Variants in GNB1 observed in about 807,000 individuals in gnomAD.
The protein encoded by GNB1 is guanine nucleotide-binding protein G(I)/G(S)/G(T) subunit beta-1.
In GNB1, 2 loss-of-function variants were observed where a neutral mutation model predicts 42.9. The observed-to-expected ratio is 0.05, with a 90% CI of 0.02 to 0.15. The LOEUF is 0.15. Ranked by LOEUF, GNB1 falls within the 10% of genes least tolerant of loss-of-function variation. The pLI, the probability that GNB1 is intolerant of heterozygous loss-of-function variation, is 1.00. For missense variants in GNB1, 193 were observed against 462.2 expected, an observed-to-expected ratio of 0.42 and a Z score of 5.34; for synonymous variants, 183 against 174.7, an observed-to-expected ratio of 1.05 and a Z score of -0.38.
At chr1:1,872,577 C>T (rs563737598) in intron 1 of GNB1, among the ~76,000 whole-genome samples, 2 of 152,278 alleles carry the variant, frequency 1.3e-5, no homozygotes, top group African/African-American at 4.8e-5. Context: ...TGCTGAGCTT[C>T]GCCTGCTGTC....
At chr1:1,793,471 G>A (rs2100548909) in intron 7 of GNB1, 160 bp from the exon 8 acceptor site, 1 of 537,622 alleles carries the variant, frequency 1.9e-6, no homozygotes, top group East Asian at 3.0e-5. Context: ...ACAGCAGAAG[G>A]TCCACACGCA....
At chr1:1,809,939 T>C (rs1285263250) in intron 5 of GNB1, among the ~76,000 whole-genome samples, 1 of 152,066 alleles carries the variant, frequency 6.6e-6, no homozygotes, top group East Asian at 1.9e-4. Context: ...ATGCCCTTCA[T>C]TTTACTCAAA....
chr1:1,877,953 G>C (rs1026997954), intron 1 of GNB1, among the ~76,000 whole-genome samples: 5 of 152,178 alleles, frequency 3.3e-5, no homozygotes, highest in African/African-American at 1.2e-4. Context: ...CATAGGAAGA[G>C]GCAAATGCAG....
rs79714389 is a variant in GNB1, at chr1:1,884,699, G to C, written c.-96+6121C>G. ...GTATTCCCATTCTTTTTTTTTTTTT[G>C]AGAGACGGAGTCTTGCTCTGTCGCC... On this transcript the variant is annotated intron_variant, in intron 1 of 11. Coordinates refer to ENST00000378609, the MANE Select transcript of GNB1 (RefSeq NM_002074.5). Among the ~76,000 whole-genome samples the C allele has an allele frequency of 3.6e-5, 5 of 138,630 alleles. No homozygotes were observed. The South Asian group carries it at 6.8e-4, about 19-fold the overall frequency. 90.9% of individuals were successfully genotyped at this position (138,630 alleles called of 152,430 possible).
In GNB1 at chr1:1,787,396, C is replaced by A. The variant is rs754236544; in HGVS notation, c.958G>T (p.Val320Leu). The A allele has an allele frequency of 6.2e-7, 1 of 1,613,762 alleles. No homozygotes were observed. The highest frequency in any genetic ancestry group is 8.5e-7 in the Non-Finnish European group (1 of 1,179,720). The change falls in exon 11 of 12, where the codon GTG (valine) becomes TTG (leucine). Residue 320 changes from valine to leucine, a missense_variant. Physicochemically the swap from Val to Leu is conservative, Grantham distance 32. Around this residue, in one of 2 missense-constraint regions of GNB1, gnomAD observed 150 missense variants for 410.8 expected, o/e 0.37. Coordinates refer to ENST00000378609, the MANE Select transcript of GNB1 (RefSeq NM_002074.5). This position sits in a 1 kb window ranked among gnomAD's most constrained non-coding sequence, Gnocchi z 4.4. Reference sequence around the variant, plus strand: ...GCCACAGCCATGCCATCGTCAGTCACGCCCAGGCAGCTGACGCGGTTGTCA... The same window carrying A: ...GCCACAGCCATGCCATCGTCAGTCAAGCCCAGGCAGCTGACGCGGTTGTCA... ...GHDNRVSCLGVTDDGMAVATG... is the reference protein window; with the variant it reads ...GHDNRVSCLGLTDDGMAVATG...
intron 7 of GNB1, among the ~76,000 whole-genome samples, chr1:1,799,263 T>A (rs1344596637): frequency 6.6e-6 from 1 of 152,202 alleles, no homozygotes; most frequent in East Asian, 1.9e-4. Context: ...GTGTTTTTTT[T>A]AAATAACACA....
At chr1:1,869,915 T>A (rs1416514979) in intron 1 of GNB1, among the ~76,000 whole-genome samples, 2 of 152,032 alleles carry the variant, frequency 1.3e-5, no homozygotes, top group African/African-American at 4.8e-5. Context: ...CAGGCTGGAG[T>A]GTAGTGGTAC....
intron 3 of GNB1, among the ~76,000 whole-genome samples, chr1:1,820,821 A>G (rs1403702605): frequency 2.0e-5 from 3 of 152,218 alleles, no homozygotes; most frequent in Non-Finnish European, 2.9e-5. Context: ...CACACAGATA[A>G]CTTCAATTCA....
intron 1 of GNB1, among the ~76,000 whole-genome samples, chr1:1,887,191 A>G (rs1650202953): frequency 1.3e-5 from 2 of 152,234 alleles, no homozygotes; most frequent in African/African-American, 4.8e-5. Context: ...ATGTAATCCA[A>G]TTTAGAGACC....
At chr1:1,824,833 C>T (rs372455920) in intron 3 of GNB1, among the ~76,000 whole-genome samples, 1 of 152,120 alleles carries the variant, frequency 6.6e-6, no homozygotes, top group South Asian at 2.1e-4. Context: ...CTTGGCCTCC[C>T]AAACTGCTGG....
At chr1:1,832,622 G>A (rs1054864948) in intron 2 of GNB1, among the ~76,000 whole-genome samples, 4 of 152,274 alleles carry the variant, frequency 2.6e-5, no homozygotes, top group Non-Finnish European at 1.5e-5. Flanking sequence ...AATGTGCTCC[G>A]TGTAGTGCCT....
intron 7 of GNB1, among the ~76,000 whole-genome samples, chr1:1,797,097 G>A (rs1016207238): frequency 6.6e-6 from 1 of 152,178 alleles, no homozygotes; most frequent in Non-Finnish European, 1.5e-5. Context: ...AAGCCAAGAA[G>A]GACACACAAG....
chr1:1,833,671 C>T (rs1026553173), intron 2 of GNB1, among the ~76,000 whole-genome samples: 4 of 152,130 alleles, frequency 2.6e-5, no homozygotes, highest in South Asian at 2.1e-4. Context: ...TCACTGCGAA[C>T]GGGTGAAGTG....
chr1:1,865,908 T>C (rs944408424), intron 1 of GNB1, among the ~76,000 whole-genome samples: 1 of 152,206 alleles, frequency 6.6e-6, no homozygotes, highest in African/African-American at 2.4e-5. Flanking sequence ...GGTTGTTGTT[T>C]TTTGAGACCA....
chr1:1,847,031 A>G (rs1182330542), intron 1 of GNB1, among the ~76,000 whole-genome samples: 1 of 152,168 alleles, frequency 6.6e-6, no homozygotes, highest in Non-Finnish European at 1.5e-5. Context: ...AGGAAAAGAA[A>G]ATCTTCCTGA....
At chr1:1,819,742 A>C (rs1646906711) in intron 3 of GNB1, among the ~76,000 whole-genome samples, 2 of 144,918 alleles carry the variant, frequency 1.4e-5, no homozygotes, top group African/African-American at 2.6e-5. Flanking sequence ...GGATCTCGTC[A>C]TGTTGCCTGT....
chr1:1,868,681 G>A (rs1295643105), intron 1 of GNB1, among the ~76,000 whole-genome samples: 2 of 151,880 alleles, frequency 1.3e-5, no homozygotes, highest in Non-Finnish European at 2.9e-5. Context: ...TACTCAGGAG[G>A]CTGAGGCAGA....
At chr1:1,841,766 T>C (rs1433289100) in intron 1 of GNB1, among the ~76,000 whole-genome samples, 2 of 152,170 alleles carry the variant, frequency 1.3e-5, no homozygotes, top group Admixed American at 6.5e-5. Flanking sequence ...GCAGTAAAAA[T>C]GAGTGTGGAA....
chr1:1,867,097 T>A (rs1233741297), intron 1 of GNB1, among the ~76,000 whole-genome samples: 1 of 151,936 alleles, frequency 6.6e-6, no homozygotes, highest in Non-Finnish European at 1.5e-5. Context: ...CGAAACCCCA[T>A]CTCTATTAAA....
Sources: allele counts gnomAD v4.1 joint callset (sites outside exome capture counted in the v4.1 genomes callset), GRCh38; gene constraint gnomAD v4.1.1; regional missense constraint gnomAD v4.1.1; non-coding constraint Gnocchi (gnomAD v3.1); transcripts MANE v1.5; gene names NCBI Gene and HGNC (gene_info 2026-07-23, HGNC 2026-07-21).